Variants in TNRC18 observed in about 807,000 individuals in gnomAD.
The protein encoded by TNRC18 is trinucleotide repeat-containing gene 18 protein.
In TNRC18, 69 loss-of-function variants were observed where a neutral mutation model predicts 226.7. The observed-to-expected ratio is 0.30, with a 90% CI of 0.25 to 0.37. The LOEUF (loss-of-function observed/expected upper bound fraction) is 0.37. TNRC18 is among the 10% of genes least tolerant of loss of function. The probability of loss-of-function intolerance (pLI) is 1.00; values close to 1 mark genes in which losing one functional copy is unlikely to be tolerated. For missense variants in TNRC18, 4,754 were observed against 4,256.6 expected (o/e 1.12, Z -3.25); for synonymous variants, 2,449 against 1,927.6 (o/e 1.27, Z -7.09).
intron 15 of TNRC18, among the ~76,000 whole-genome samples, chr7:5,359,121 T>TA (rs1369517631): frequency 1.3e-5 from 2 of 152,196 alleles, no homozygotes; most frequent in Non-Finnish European, 2.9e-5. Context: ...TCCTTGGCTT[T>TA]AGCAAAGGGT....
chr7:5,352,951 G>A (rs1396776378), intron 16 of TNRC18, among the ~76,000 whole-genome samples: 2 of 152,198 alleles, frequency 1.3e-5, no homozygotes, highest in Non-Finnish European at 2.9e-5. Context: ...TACAGCTCTG[G>A]CAGCACCTGC....
In TNRC18 at chr7:5,389,154, C is replaced by A; in HGVS notation, c.670G>T (p.Asp224Tyr). 1 of 1,327,974 alleles carries A rather than the reference C, an allele frequency of 7.5e-7. No homozygotes were observed. The highest frequency in any genetic ancestry group is 3.6e-5 in the East Asian group (1 of 27,720). 82.3% of individuals were successfully genotyped at this position (1,327,974 alleles called of 1,614,324 possible). ...GCCTCCTCGCCCCGGGCGCGCGGGT[C>A]CTTCTTGCCGAAAAGCGGAGGCGGC... ...GEPPPLFGKKDPRARGEEASG... is the reference protein window; with the variant it reads ...GEPPPLFGKKYPRARGEEASG... Residue 224 changes from aspartate to tyrosine, a missense_variant, in exon 5 of 30, where the codon GAC (aspartate) becomes TAC (tyrosine). By Grantham distance (160) the Asp-to-Tyr change is radical (BLOSUM62 -3). Coordinates refer to ENST00000430969, the MANE Select transcript of TNRC18 (RefSeq NM_001080495.3).
At chr7:5,315,612 C>T (rs1787773654) in intron 25 of TNRC18, among the ~76,000 whole-genome samples, 2 of 152,174 alleles carry the variant, frequency 1.3e-5, no homozygotes, top group South Asian at 4.1e-4. Context: ...TTAATAGAGA[C>T]AGGGTTTCAC....
intron 2 of TNRC18, among the ~76,000 whole-genome samples, chr7:5,413,368 C>G (rs1483098010): frequency 6.6e-6 from 1 of 152,012 alleles, no homozygotes; most frequent in Non-Finnish European, 1.5e-5. Context: ...GAGTTCTCCT[C>G]CCTCCTTCCC....
intron 15 of TNRC18, among the ~76,000 whole-genome samples, chr7:5,359,048 A>G (rs1179053200): frequency 1.3e-5 from 2 of 152,234 alleles, no homozygotes; most frequent in African/African-American, 2.4e-5. Flanking sequence ...AGAGCTGCTC[A>G]TTAAACTATT....
chr7:5,378,478 G>A (rs763666834), intron 5 of TNRC18, among the ~76,000 whole-genome samples: 105 of 151,288 alleles, frequency 6.9e-4, no homozygotes, highest in Non-Finnish European at 4.0e-4. Flanking sequence ...GAGTGCAGTG[G>A]CACGATCTCG....
Position 5,378,012 on chromosome 7 carries a change from G to A in TNRC18, c.2165C>T (p.Ala722Val). Residue 722 changes from alanine (A) to valine (V), a missense_variant, in exon 6 of 30, where the codon GCA becomes GTA. Physicochemically the swap from Ala to Val is moderately conservative, Grantham distance 64. Transcript: ENST00000430969. The part of the protein sequence containing the change: ...SLSNVKGHGR[A>V]DEDCVDDRAR... ...CCGGTCGTCCACACAGTCCTCATCT[G>A]CTCGGCCGTGCCCTGCAGGGGGCCA... 6.2e-7 allele frequency: 1 copy of A among 1,610,582 alleles called. No homozygotes were observed. The highest frequency in any genetic ancestry group is 1.1e-5 in the South Asian group (1 of 90,988).
intron 10 of TNRC18, among the ~76,000 whole-genome samples, chr7:5,372,320 G>A (rs1469503414): frequency 1.0e-4 from 15 of 149,176 alleles, no homozygotes; most frequent in Non-Finnish European, 2.1e-4. Flanking sequence ...CTCGTGATCC[G>A]CCCGCCTCAG....
chr7:5,356,983 G>A lies in TNRC18; in HGVS notation c.5127C>T (p.Phe1709=), dbSNP rs760375574. 1.7e-5 allele frequency: 26 copies of A among 1,552,096 alleles called. No homozygotes were observed. The highest frequency in any genetic ancestry group is 2.2e-5 in the Non-Finnish European group (25 of 1,147,108). ...CCGACTTGGGCTGGCCTCTGGCCTT[G>A]AACCCCACCTCCATCTTCCTGGTTT... ...AAKTRKMEVG[F]KARGQPKSAH... Residue 1709 remains phenylalanine, a synonymous_variant, in exon 16 of 30, where the codon TTC becomes TTT. Coordinates refer to ENST00000430969, the MANE Select transcript of TNRC18 (RefSeq NM_001080495.3).
intron 2 of TNRC18, among the ~76,000 whole-genome samples, chr7:5,408,277 G>A (rs1299486545): frequency 7.4e-6 from 1 of 135,224 alleles, no homozygotes; most frequent in Non-Finnish European, 1.6e-5. Flanking sequence ...CCAGCCTGGC[G>A]ACAGAACAAG....
At chr7:5,310,103 A>G (rs1299680979) in intron 27 of TNRC18, among the ~76,000 whole-genome samples, 6 of 152,074 alleles carry the variant, frequency 3.9e-5, no homozygotes, top group Non-Finnish European at 5.9e-5. Context: ...GGGTCTCACT[A>G]TGTTGCCCAA....
At chr7:5,344,272 T>C (rs1014427085) in intron 18 of TNRC18, among the ~76,000 whole-genome samples, 1 of 152,202 alleles carries the variant, frequency 6.6e-6, no homozygotes, top group Admixed American at 6.5e-5. Flanking sequence ...CAGGTAGCAC[T>C]GATCAGAGGG....
chr7:5,399,285 G>A lies in TNRC18; in HGVS notation c.188-4690C>T, dbSNP rs146280671. On this transcript the variant is annotated intron_variant, in intron 2 of 29. Coordinates refer to ENST00000430969, the MANE Select transcript of TNRC18 (RefSeq NM_001080495.3). ...AATCCCTCATACCAACCTGCGGTAT[G>A]GGGGTCTCCCTGCCTCTCGCCCTAG... is the stretch of plus-strand genomic sequence containing the variant. 3.1e-3 allele frequency among the ~76,000 whole-genome samples: 466 copies of A among 152,296 alleles called. 7 individuals are homozygous for A. Among genetic ancestry groups the A allele is most frequent in the African/African-American group, 0.01 (429 of 41,562 alleles).
intron 18 of TNRC18, among the ~76,000 whole-genome samples, chr7:5,338,181 TTAAAAATGACAAAATGATAC>T (rs1790310456): frequency 1.3e-5 from 2 of 152,122 alleles, no homozygotes; most frequent in South Asian, 4.1e-4. Context: ...TTTTCTATTT[TTAAAAATGACAAAATGATAC>T]TGAGAAAGCT....
At chr7:5,401,626 AC>A (rs1011910248) in intron 2 of TNRC18, among the ~76,000 whole-genome samples, 1 of 152,214 alleles carries the variant, frequency 6.6e-6, no homozygotes, top group African/African-American at 2.4e-5. Context: ...CCAGGAAAGC[AC>A]CCAGACAGTA....
At chr7:5,381,902 G>C in intron 5 of TNRC18, among the ~76,000 whole-genome samples, 1 of 152,126 alleles carries the variant, frequency 6.6e-6, no homozygotes, top group African/African-American at 2.4e-5. Flanking sequence ...GGAGGCGGAG[G>C]TTGCAGTGAG....
In TNRC18 at chr7:5,361,856, C is replaced by T. The variant is rs1285565744; in HGVS notation, c.4532+41G>A. The T allele has an allele frequency of 9.9e-6, 15 of 1,513,016 alleles. No individual in the cohort carries two copies. In the Admixed American group the frequency reaches 1.3e-4, roughly 13 times the overall value. The allele number at this position is 1,513,016 out of a possible 1,614,324, so 93.7% of individuals were successfully genotyped here. On this transcript the variant is annotated intron_variant, in intron 13 of 29. Coordinates refer to ENST00000430969, the MANE Select transcript of TNRC18 (RefSeq NM_001080495.3). ...CTGCGCGCCTGGGGGCCTGGTGGGC[C>T]GGGGCAGGGGCCCCACGGGGCGGGC... is the stretch of plus-strand genomic sequence containing the variant.
chr7:5,313,114 C>T lies in TNRC18; in HGVS notation c.7777G>A (p.Gly2593Arg), dbSNP rs1427927526. Reference protein sequence around the residue: ...GEEEGDKNGDGGCGTGGRNCS... With the variant: ...GEEEGDKNGDRGCGTGGRNCS... The stretch of plus-strand genomic sequence containing the variant: ...TTACGGCCCCCGGTGCCGCAGCCCC[C>T]GTCCCCGTTCTTGTCGCCTTCCTCC... Residue 2593 changes from glycine (G) to arginine (R), a missense_variant, in exon 27 of 30, where the codon GGG becomes AGG. Transcript: ENST00000430969. 5.5e-6 allele frequency: 8 copies of T among 1,457,852 alleles called. No homozygotes were observed. Among genetic ancestry groups the T allele is most frequent in the South Asian group, 1.2e-5 (1 of 82,452 alleles). The allele number at this position is 1,457,852 out of a possible 1,614,324, so 90.3% of individuals were successfully genotyped here.
intron 11 of TNRC18, among the ~76,000 whole-genome samples, chr7:5,365,403 G>A (rs531699089): frequency 6.6e-4 from 99 of 151,082 alleles, no homozygotes; most frequent in African/African-American, 2.3e-3. Flanking sequence ...GTGAGCCACC[G>A]TGTCCGGCCT....
Sources: allele counts gnomAD v4.1 joint callset (sites outside exome capture counted in the v4.1 genomes callset), GRCh38; gene constraint gnomAD v4.1.1; transcripts MANE v1.5; gene names NCBI Gene and HGNC (gene_info 2026-07-23, HGNC 2026-07-21).